Variants in ACYP2 observed in about 807,000 individuals in gnomAD.
ACYP2 encodes the protein acylphosphatase-2.
Under a neutral mutation model 11.2 loss-of-function variants are expected in ACYP2, and 12 were observed. That is an observed-to-expected ratio of 1.08 (90% CI 0.69 to 1.74). The LOEUF (loss-of-function observed/expected upper bound fraction) is 1.74. Ranked by LOEUF, ACYP2 falls within the 40% of genes most tolerant of loss-of-function variation. ACYP2 has a pLI of 0.00. For synonymous variants in ACYP2, 43 were observed against 32.2 expected, an observed-to-expected ratio of 1.33 and a Z score of -1.13; for missense variants, 134 against 101.9, an observed-to-expected ratio of 1.31 and a Z score of -1.35.
chr2:53,982,517 A>G (rs1671816587), intron 2 of ACYP2, among the ~76,000 whole-genome samples: 1 of 152,190 alleles, frequency 6.6e-6, no homozygotes, highest in Non-Finnish European at 1.5e-5. Flanking sequence ...ACAAAACTAT[A>G]ACCAAATGTC....
At chr2:54,038,671 T>C (rs532545301) in intron 2 of ACYP2, among the ~76,000 whole-genome samples, 2,167 of 96,784 alleles carry the variant, frequency 0.022, 68 homozygotes, top group African/African-American at 0.082. Context: ...CTTTATTGAA[T>C]ACTATATATA....
chr2:54,224,488 C>CA (rs1358801994), intron 6 of ACYP2, among the ~76,000 whole-genome samples: 1 of 151,832 alleles, frequency 6.6e-6, no homozygotes, highest in Non-Finnish European at 1.5e-5. Flanking sequence ...TGTGTGTATG[C>CA]AAAAAAGGTT....
At chr2:54,228,470 G>T (rs1335988291) in intron 6 of ACYP2, among the ~76,000 whole-genome samples, 16 of 152,098 alleles carry the variant, frequency 1.1e-4, no homozygotes, top group Non-Finnish European at 1.6e-4. Flanking sequence ...ACTTACTTAA[G>T]GTCATACGAT....
At chr2:54,160,638 C>T (rs149680629) in intron 6 of ACYP2, among the ~76,000 whole-genome samples, 22 of 152,280 alleles carry the variant, frequency 1.4e-4, no homozygotes, top group Non-Finnish European at 2.8e-4. Flanking sequence ...ATGTCAGATA[C>T]GAAGGCATTG....
chr2:54,179,269 A>G (rs1683603342), intron 6 of ACYP2, among the ~76,000 whole-genome samples: 1 of 151,880 alleles, frequency 6.6e-6, no homozygotes, highest in South Asian at 2.1e-4. Context: ...GGGGAGGAGC[A>G]TCTCCCCACC....
At chr2:54,192,952 A>G (rs898543440) in intron 6 of ACYP2, among the ~76,000 whole-genome samples, 1 of 152,150 alleles carries the variant, frequency 6.6e-6, no homozygotes, top group African/African-American at 2.4e-5. Context: ...ACCTGGTCCT[A>G]CCCTTGACGT....
chr2:54,048,785 T>A (rs193099874), intron 2 of ACYP2, among the ~76,000 whole-genome samples: 14 of 152,348 alleles, frequency 9.2e-5, no homozygotes, highest in Non-Finnish European at 1.3e-4. Context: ...ATAATTAATT[T>A]AGACACTGAC....
intron 6 of ACYP2, among the ~76,000 whole-genome samples, chr2:54,190,290 C>T (rs775637363): frequency 5.3e-4 from 80 of 152,072 alleles, no homozygotes; most frequent in African/African-American, 1.4e-4. Flanking sequence ...TTAAAACAAA[C>T]AAAACAAAAC....
intron 2 of ACYP2, chr2:53,975,494 T>G (rs949786241): frequency 2.6e-6 from 1 of 381,502 alleles, no homozygotes; most frequent in Non-Finnish European, 4.6e-6. Flanking sequence ...GTCCAACTTG[T>G]TATCTCTTGA....
At chr2:54,258,715 T>C (rs1482709110) in intron 6 of ACYP2, among the ~76,000 whole-genome samples, 1 of 152,166 alleles carries the variant, frequency 6.6e-6, no homozygotes, top group Non-Finnish European at 1.5e-5. Context: ...AGGTGGATGG[T>C]GGACATAGTA....
chr2:54,094,355 A>T (rs183519295), intron 4 of ACYP2, among the ~76,000 whole-genome samples: 1 of 151,198 alleles, frequency 6.6e-6, no homozygotes, highest in East Asian at 2.0e-4. Context: ...AGCCTACCAA[A>T]TAGCTTGGAT....
intron 6 of ACYP2, among the ~76,000 whole-genome samples, chr2:54,295,355 G>A (rs1483207648): frequency 6.6e-6 from 1 of 152,134 alleles, no homozygotes; most frequent in East Asian, 1.9e-4. Flanking sequence ...TCTTCAGAAG[G>A]GACTACCATG....
In ACYP2 at chr2:53,990,823, G is replaced by C. The variant is rs1286405825; in HGVS notation, c.62+17013G>C. Among the ~76,000 whole-genome samples the C allele has an allele frequency of 4.0e-5, 6 of 151,754 alleles. No individual in the cohort carries two copies. In the East Asian group the frequency reaches 9.7e-4, roughly 25 times the overall value. The stretch of plus-strand genomic sequence containing the variant: ...TTTGTTTTTTGTTTTTTAAGGCAGA[G>C]TCTCGCTCTGTCGCCCAGGCTGGAG... On this transcript the variant is annotated intron_variant, in intron 2 of 6. Coordinates refer to ENST00000607452, the MANE Select transcript of ACYP2 (RefSeq NM_001320586.2).
At chr2:54,192,832 G>C (rs572992273) in intron 6 of ACYP2, among the ~76,000 whole-genome samples, 11 of 152,254 alleles carry the variant, frequency 7.2e-5, no homozygotes, top group African/African-American at 2.6e-4. Flanking sequence ...GAGAGAGAAT[G>C]AGTACCAGCA....
At chr2:53,997,770 A>G (rs1285670947) in intron 2 of ACYP2, among the ~76,000 whole-genome samples, 1 of 152,168 alleles carries the variant, frequency 6.6e-6, no homozygotes, top group Non-Finnish European at 1.5e-5. Flanking sequence ...CCACTACAGA[A>G]TTGCAAAAAA....
intron 6 of ACYP2, among the ~76,000 whole-genome samples, chr2:54,226,236 C>CA (rs199945532): frequency 6.6e-5 from 10 of 151,680 alleles, no homozygotes; most frequent in East Asian, 3.9e-4. Context: ...AAATTGAAAA[C>CA]AAAAAAAATA....
At chr2:54,273,011 G>C (rs960488302) in intron 6 of ACYP2, among the ~76,000 whole-genome samples, 1 of 152,188 alleles carries the variant, frequency 6.6e-6, no homozygotes, top group African/African-American at 2.4e-5. Flanking sequence ...CAAAGAATTG[G>C]GGTTAGGAAA....
chr2:54,188,394 A>G (rs1372981437), intron 6 of ACYP2, among the ~76,000 whole-genome samples: 2 of 152,148 alleles, frequency 1.3e-5, no homozygotes, highest in African/African-American at 4.8e-5. Flanking sequence ...ATTTCCTTGA[A>G]ATCATATTTT....
chr2:54,060,472 AGTTTT>A (rs942769535), intron 4 of ACYP2, among the ~76,000 whole-genome samples: 1 of 152,026 alleles, frequency 6.6e-6, no homozygotes, highest in South Asian at 2.1e-4. Context: ...ATTTTAGTAA[AGTTTT>A]GTTTTGTTCC....
Sources: gnomAD v4.1 joint callset for allele counts (sites outside exome capture counted in the v4.1 genomes callset) on GRCh38, gnomAD v4.1.1 for gene constraint, MANE v1.5 for transcripts, NCBI Gene and HGNC (gene_info 2026-07-23, HGNC 2026-07-21) for gene names.